JMJD1C: variants seen among roughly 807,000 people sequenced by gnomAD.
JMJD1C encodes the protein jumonji domain-containing protein 1C.
JMJD1C carries 31 observed loss-of-function variants against 245.3 expected under a neutral mutation model. The observed-to-expected ratio is 0.13, with a 90% CI of 0.09 to 0.17. JMJD1C has a LOEUF of 0.17. Ranked by LOEUF, JMJD1C falls within the 10% of genes least tolerant of loss-of-function variation. The pLI is 1.00. For missense variants in JMJD1C, 2,691 were observed against 3,000.2 expected (o/e 0.90, Z 2.41); for synonymous variants, 1,057 against 1,017.4 (o/e 1.04, Z -0.74).
At chr10:63,377,540 C>G (rs1313086908) in intron 2 of JMJD1C, among the ~76,000 whole-genome samples, 1 of 152,002 alleles carries the variant, frequency 6.6e-6, no homozygotes, top group Non-Finnish European at 1.5e-5. Context: ...CAAGACCTGC[C>G]TGGCCAATAT....
At chr10:63,245,036 C>A (rs1851995312) in intron 3 of JMJD1C, among the ~76,000 whole-genome samples, 1 of 146,196 alleles carries the variant, frequency 6.8e-6, no homozygotes, top group Non-Finnish European at 1.5e-5. Context: ...ATTCGGGAGG[C>A]TGAGGCATGA....
intron 24 of JMJD1C, among the ~76,000 whole-genome samples, chr10:63,175,736 T>C (rs925999009): frequency 2.6e-5 from 4 of 152,224 alleles, no homozygotes; most frequent in Non-Finnish European, 4.4e-5. Context: ...ATTCCACCTA[T>C]AGGAATCCAC....
rs372664944 is a variant in JMJD1C, at chr10:63,208,669, T to C, written c.3000A>G (p.Val1000=). 8 of 1,614,140 alleles carry C rather than the reference T, an allele frequency of 5.0e-6. No individual in the cohort carries two copies. The highest frequency in any genetic ancestry group is 6.8e-6 in the Non-Finnish European group (8 of 1,179,988). The change falls in exon 10 of 26, where the codon GTA becomes GTG. Residue 1000 remains valine, a synonymous_variant. Transcript: ENST00000399262. The part of the protein sequence containing the change: ...CHLHRHFVDP[V]LNQLQRPPQE... ...GGGGTGGCCTCTGTAACTGATTTAA[T>C]ACTGGATCCACAAAATGCCTATGTA...
intron 2 of JMJD1C, among the ~76,000 whole-genome samples, chr10:63,376,063 C>G (rs1372698099): frequency 6.6e-6 from 1 of 152,122 alleles, no homozygotes; most frequent in Non-Finnish European, 1.5e-5. Context: ...GTAATCAAAA[C>G]AGTGAGCTGG....
chr10:63,448,656 G>C (rs1268056212), intron 1 of JMJD1C, among the ~76,000 whole-genome samples: 1 of 152,166 alleles, frequency 6.6e-6, no homozygotes, highest in Non-Finnish European at 1.5e-5. Flanking sequence ...TAGTGTTCTA[G>C]AGAAATAGAA....
chr10:63,461,638 C>T (rs1340735593), intron 1 of JMJD1C, among the ~76,000 whole-genome samples: 2 of 152,096 alleles, frequency 1.3e-5, no homozygotes, highest in African/African-American at 4.8e-5. Context: ...AGGATATCCC[C>T]TAAATACAAG....
chr10:63,472,852 T>C (rs894110043), intron 1 of JMJD1C, among the ~76,000 whole-genome samples: 6 of 152,042 alleles, frequency 3.9e-5, no homozygotes, highest in Non-Finnish European at 5.9e-5. Flanking sequence ...GGCGCGATCA[T>C]AGGATCACCG....
chr10:63,358,165 G>A (rs1251719916), intron 2 of JMJD1C, among the ~76,000 whole-genome samples: 1 of 152,004 alleles, frequency 6.6e-6, no homozygotes, highest in East Asian at 1.9e-4. Context: ...AAAGGTCAAG[G>A]AATCAAGAAA....
At chr10:63,273,854 A>G (rs1214632392) in intron 2 of JMJD1C, among the ~76,000 whole-genome samples, 1 of 152,170 alleles carries the variant, frequency 6.6e-6, no homozygotes, top group Non-Finnish European at 1.5e-5. Flanking sequence ...CTGCCTGCCT[A>G]CCCAAAGAAA....
intron 1 of JMJD1C, among the ~76,000 whole-genome samples, chr10:63,497,756 CTT>C (rs1954408159): frequency 1.3e-5 from 2 of 152,130 alleles, no homozygotes; most frequent in South Asian, 4.1e-4. Flanking sequence ...GTTGTTCAAG[CTT>C]TCTTTGCAAA....
intron 1 of JMJD1C, among the ~76,000 whole-genome samples, chr10:63,503,606 C>A (rs1954629060): frequency 6.6e-6 from 1 of 152,164 alleles, no homozygotes; most frequent in Non-Finnish European, 1.5e-5. Flanking sequence ...TCACAACCGA[C>A]CAGCTGCTTT....
chr10:63,339,499 G>A (rs1589523398), intron 2 of JMJD1C, among the ~76,000 whole-genome samples: 1 of 152,184 alleles, frequency 6.6e-6, no homozygotes, highest in African/African-American at 2.4e-5. Context: ...TATATAGGTT[G>A]AGGCCAGGTG....
intron 2 of JMJD1C, among the ~76,000 whole-genome samples, chr10:63,304,783 A>C (rs1937775827): frequency 6.6e-6 from 1 of 152,158 alleles, no homozygotes; most frequent in Non-Finnish European, 1.5e-5. Flanking sequence ...CTTAAATATA[A>C]ATGTATATGT....
At chr10:63,282,519 CAATT>C (rs1345089450) in intron 2 of JMJD1C, among the ~76,000 whole-genome samples, 1 of 152,156 alleles carries the variant, frequency 6.6e-6, no homozygotes, top group African/African-American at 2.4e-5. Context: ...CTTTTTCACA[CAATT>C]AAAGATTGGC....
intron 3 of JMJD1C, among the ~76,000 whole-genome samples, chr10:63,225,081 C>CA (rs1285210719): frequency 6.6e-6 from 1 of 151,666 alleles, no homozygotes; most frequent in Non-Finnish European, 1.5e-5. Context: ...GAAAAAAATC[C>CA]ACTTAATGGC....
chr10:63,384,600 G>T (rs1418244267), intron 1 of JMJD1C, among the ~76,000 whole-genome samples: 1 of 152,100 alleles, frequency 6.6e-6, no homozygotes, highest in East Asian at 1.9e-4. Flanking sequence ...AAAATATTTA[G>T]AAAAACCTAC....
chr10:63,291,672 A>G (rs1302923767), intron 2 of JMJD1C, among the ~76,000 whole-genome samples: 1 of 151,474 alleles, frequency 6.6e-6, no homozygotes, highest in Non-Finnish European at 1.5e-5. Flanking sequence ...GCTAGAGTGC[A>G]GTGACTATTC....
chr10:63,444,228 G>T (rs184886502), intron 1 of JMJD1C, among the ~76,000 whole-genome samples: 442 of 152,172 alleles, frequency 2.9e-3, no homozygotes, highest in Non-Finnish European at 4.7e-3. Flanking sequence ...GCATCTCAAA[G>T]AATTAAAGAT....
intron 2 of JMJD1C, among the ~76,000 whole-genome samples, chr10:63,313,409 G>C (rs917312759): frequency 5.3e-5 from 8 of 152,114 alleles, no homozygotes; most frequent in African/African-American, 1.9e-4. Flanking sequence ...GAACATGACT[G>C]TGCAAGTATC....
Sources: allele counts gnomAD v4.1 joint callset (sites outside exome capture counted in the v4.1 genomes callset), GRCh38; gene constraint gnomAD v4.1.1; transcripts MANE v1.5; gene names NCBI Gene and HGNC (gene_info 2026-07-23, HGNC 2026-07-21).